Variants in MDGA2 observed in about 807,000 individuals in gnomAD.
MDGA2 encodes the protein MAM domain containing glycosylphosphatidylinositol anchor 2.
A neutral mutation model predicts 117.8 loss-of-function variants in MDGA2; 40 were observed. The ratio of observed to expected loss-of-function variants is 0.34; its 90% CI spans 0.26 to 0.44. The LOEUF (loss-of-function observed/expected upper bound fraction) is 0.44, where lower values mean the gene tolerates loss of function less well. Among genes scored for constraint, MDGA2 ranks in the 20% least tolerant of loss-of-function variants. MDGA2 has a pLI of 1.00. For synonymous variants in MDGA2, 452 were observed against 439.0 expected (o/e 1.03, Z -0.37); for missense variants, 1,123 against 1,250.6 (o/e 0.90, Z 1.54).
chr14:47,559,195 AAGCAT>A (rs1895745797), intron 1 of MDGA2, among the ~76,000 whole-genome samples: 1 of 152,188 alleles, frequency 6.6e-6, no homozygotes, highest in Non-Finnish European at 1.5e-5. Flanking sequence ...CCCAGGTAAT[AAGCAT>A]AGTACACGGC....
chr14:46,903,604 TA>T (rs1176513232), intron 10 of MDGA2, among the ~76,000 whole-genome samples: 1 of 152,196 alleles, frequency 6.6e-6, no homozygotes, highest in Non-Finnish European at 1.5e-5. Context: ...GCTCTATAAT[TA>T]ATTATTATAC....
chr14:47,069,163 T>G (rs886174402), intron 6 of MDGA2, among the ~76,000 whole-genome samples: 4 of 152,244 alleles, frequency 2.6e-5, no homozygotes, highest in Non-Finnish European at 5.9e-5. Flanking sequence ...CTCACTAGGA[T>G]ACTTTATGTG....
rs544890440 is a variant in MDGA2 at position 47,312,824 on chromosome 14, C to G, written c.281-11274G>C. 9.4e-5 allele frequency among the ~76,000 whole-genome samples: 14 copies of G among 149,302 alleles called. No individual in the cohort carries two copies. In the East Asian group the frequency reaches 2.4e-3, roughly 25 times the overall value. On this transcript the variant is annotated intron_variant, in intron 1 of 16. Coordinates refer to ENST00000399232, the MANE Select transcript of MDGA2 (RefSeq NM_001113498.3). ...GAATTTCAGGCATGAGCCACCATGCCTGGCCTATCACAGAACCTTAGAATC... is the reference window on the plus strand; with the variant it reads ...GAATTTCAGGCATGAGCCACCATGCGTGGCCTATCACAGAACCTTAGAATC...
At chr14:47,034,326 T>C (rs1888763659) in intron 8 of MDGA2, among the ~76,000 whole-genome samples, 1 of 152,196 alleles carries the variant, frequency 6.6e-6, no homozygotes, top group Non-Finnish European at 1.5e-5. Context: ...ATTAGAACTA[T>C]AACCGTGATT....
At position 47,561,175 on chromosome 14, in the gene MDGA2, G is replaced by GTTTTTTT. The variant is rs150826944; in HGVS notation, c.280+113341_280+113342insAAAAAAA. 2.6e-4 allele frequency among the ~76,000 whole-genome samples: 18 copies of GTTTTTTT among 69,362 alleles called. 2 individuals carry two copies. In the East Asian group the frequency reaches 0.011, roughly 43 times the overall value. 45.5% of individuals were successfully genotyped at this position (69,362 alleles called of 152,430 possible). A position where few individuals can be genotyped will look rare whatever the true frequency, so the allele number is the denominator to read the frequency against. On this transcript the variant is annotated intron_variant, in intron 1 of 16. Coordinates refer to ENST00000399232, the MANE Select transcript of MDGA2 (RefSeq NM_001113498.3). ...TTTGTTTTGTTTTGTTTTTTTGTTTGTTTGTTTTTTTTTGCTTAGGATTGC... is the reference window on the plus strand; with the variant it reads ...TTTGTTTTGTTTTGTTTTTTTGTTTGTTTTTTTTTTGTTTTTTTTTGCTTAGGATTGC...
chr14:47,351,078 A>ATTTTTTT (rs36042383), intron 1 of MDGA2, among the ~76,000 whole-genome samples: 1 of 127,948 alleles, frequency 7.8e-6, no homozygotes, highest in African/African-American at 2.8e-5. Flanking sequence ...GGCCCGGCTA[A>ATTTTTTT]TTTTTTTTTT....
At position 47,613,003 on chromosome 14, in the gene MDGA2, G is replaced by T. The variant is rs17118976; in HGVS notation, c.280+61514C>A. 2.9e-3 allele frequency among the ~76,000 whole-genome samples: 441 copies of T among 152,156 alleles called. 1 individual carries two copies. Among genetic ancestry groups the T allele is most frequent in the African/African-American group, 0.01 (417 of 41,498 alleles). On this transcript the variant is annotated intron_variant, in intron 1 of 16. Transcript: ENST00000399232. Reference sequence around the variant, plus strand: ...CCATATTTTCTTTCCCTTATTGCGGGTATTGAAAACCGAAGTTAGAGAAGA... The same window carrying T: ...CCATATTTTCTTTCCCTTATTGCGGTTATTGAAAACCGAAGTTAGAGAAGA...
At chr14:47,355,723 G>T (rs578129196) in intron 1 of MDGA2, among the ~76,000 whole-genome samples, 1 of 152,186 alleles carries the variant, frequency 6.6e-6, no homozygotes, top group Non-Finnish European at 1.5e-5. Context: ...CCAACCACCT[G>T]GGCCTTCCCC....
At chr14:47,256,446 C>T (rs1482529976) in intron 2 of MDGA2, among the ~76,000 whole-genome samples, 1 of 152,156 alleles carries the variant, frequency 6.6e-6, no homozygotes, top group Non-Finnish European at 1.5e-5. Flanking sequence ...CTGTCTCACC[C>T]CATTTCTCTG....
chr14:47,144,988 CTT>C (rs1033549436), intron 3 of MDGA2, among the ~76,000 whole-genome samples: 35 of 151,482 alleles, frequency 2.3e-4, no homozygotes, highest in Non-Finnish European at 3.2e-4. Context: ...TTATTTATAA[CTT>C]ATATATTAAA....
intron 1 of MDGA2, among the ~76,000 whole-genome samples, chr14:47,507,166 CAG>C (rs890856094): frequency 4.6e-5 from 7 of 151,754 alleles, no homozygotes; most frequent in African/African-American, 1.7e-4. Context: ...TAAAAGAGAA[CAG>C]AGAGATAAAT....
chr14:47,259,950 A>G (rs562365852), intron 2 of MDGA2, among the ~76,000 whole-genome samples: 72 of 152,240 alleles, frequency 4.7e-4, no homozygotes, highest in African/African-American at 1.5e-3. Flanking sequence ...TATTTCATAC[A>G]TATTCAACAG....
chr14:47,384,472 T>G (rs2138424541), intron 1 of MDGA2, among the ~76,000 whole-genome samples: 1 of 152,222 alleles, frequency 6.6e-6, no homozygotes, highest in East Asian at 1.9e-4. Context: ...TGTTATCTTG[T>G]ATTATTCTTC....
chr14:47,288,048 C>T (rs1225196795), intron 2 of MDGA2, among the ~76,000 whole-genome samples: 1 of 152,126 alleles, frequency 6.6e-6, no homozygotes, highest in Non-Finnish European at 1.5e-5. Flanking sequence ...TTCTAGCCTC[C>T]AAACGGAGAG....
chr14:46,966,948 A>AT (rs1017894648), intron 8 of MDGA2, among the ~76,000 whole-genome samples: 3 of 151,888 alleles, frequency 2.0e-5, no homozygotes, highest in African/African-American at 4.8e-5. Context: ...TAGTTCATGC[A>AT]TTTTTTTGAC....
At chr14:47,498,884 AT>A (rs1339852405) in intron 1 of MDGA2, among the ~76,000 whole-genome samples, 2 of 152,166 alleles carry the variant, frequency 1.3e-5, no homozygotes, top group Non-Finnish European at 2.9e-5. Context: ...AAAACTTTTT[AT>A]AAAAGCAGTT....
At chr14:47,178,010 T>C (rs1388569213) in intron 3 of MDGA2, among the ~76,000 whole-genome samples, 1 of 152,076 alleles carries the variant, frequency 6.6e-6, no homozygotes, top group Non-Finnish European at 1.5e-5. Flanking sequence ...CCATGGCTAA[T>C]AGTGTCACAA....
chr14:47,368,579 T>C (rs1891280258), intron 1 of MDGA2, among the ~76,000 whole-genome samples: 1 of 152,172 alleles, frequency 6.6e-6, no homozygotes. Context: ...ATACTGCTAG[T>C]CGATGGCAAT....
At chr14:47,306,111 T>C (rs1015002936) in intron 1 of MDGA2, 25 of 152,212 alleles carry the variant, frequency 1.6e-4, no homozygotes, top group Non-Finnish European at 2.9e-5. Context: ...CTTGCCACTA[T>C]GTCTCAGACA....
Sources: gnomAD v4.1 joint callset for allele counts (sites outside exome capture counted in the v4.1 genomes callset) on GRCh38, gnomAD v4.1.1 for gene constraint, MANE v1.5 for transcripts, NCBI Gene and HGNC (gene_info 2026-07-23, HGNC 2026-07-21) for gene names.